The following BIRC6 variants were observed in gnomAD, a reference collection of about 807,000 sequenced individuals.
BIRC6 encodes the protein dual E2 ubiquitin-conjugating enzyme/E3 ubiquitin-protein ligase BIRC6.
Under a neutral mutation model 503.3 loss-of-function variants are expected in BIRC6, and 98 were observed. The ratio of observed to expected loss-of-function variants is 0.19; its 90% CI spans 0.17 to 0.23. BIRC6 has a LOEUF of 0.23. Among genes scored for constraint, BIRC6 ranks in the 10% least tolerant of loss-of-function variants. The pLI is 1.00. For missense variants in BIRC6, 5,360 were observed against 5,806.0 expected (o/e 0.92, Z 2.50); for synonymous variants, 2,240 against 2,078.7 (o/e 1.08, Z -2.11).
At chr2:32,463,950 A>G (rs1400568546) in intron 24 of BIRC6, among the ~76,000 whole-genome samples, 1 of 152,180 alleles carries the variant, frequency 6.6e-6, no homozygotes, top group African/African-American at 2.4e-5. Flanking sequence ...CATGAACATT[A>G]TTGTGAACTG....
At chr2:32,586,423 C>CT (rs972959083) in intron 66 of BIRC6, among the ~76,000 whole-genome samples, 1,874 of 70,992 alleles carry the variant, frequency 0.026, 270 homozygotes, top group African/African-American at 0.042. Flanking sequence ...TCAAGCAGTC[C>CT]TTTTTTTTTT....
At chr2:32,468,403 A>G (rs1171004310) in intron 28 of BIRC6, 34 bp from the exon 29 acceptor site, 4 of 1,475,990 alleles carry the variant, frequency 2.7e-6, no homozygotes, top group Admixed American at 4.3e-5. Flanking sequence ...AGGACATTAC[A>G]AGAATTATTT....
chr2:32,388,979 G>T (rs1196962262), intron 4 of BIRC6, 36 bp downstream of exon 4: 20 of 1,261,912 alleles, frequency 1.6e-5, no homozygotes, highest in Non-Finnish European at 2.1e-5. Context: ...CAGTGAGATA[G>T]AATTGATTAG....
chr2:32,527,140 C>G (rs1484517521), intron 59 of BIRC6: 1 of 152,204 alleles, frequency 6.6e-6, no homozygotes, highest in African/African-American at 2.4e-5. Flanking sequence ...AAACCTTTCA[C>G]ACTTGTTGTT....
At chr2:32,535,678 C>G (rs150483256) in intron 61 of BIRC6, among the ~76,000 whole-genome samples, 6,154 of 152,182 alleles carry the variant, frequency 0.04, 200 homozygotes, top group African/African-American at 0.092. Flanking sequence ...GTGTATATGT[C>G]CCACATTTTC....
chr2:32,416,204 G>T, intron 10 of BIRC6, 41 bp downstream of exon 10: 1 of 1,511,560 alleles, frequency 6.6e-7, no homozygotes. Context: ...TAAAATCCAT[G>T]TATATATGGC....
At chr2:32,581,802 G>A (rs556691768) in intron 66 of BIRC6, among the ~76,000 whole-genome samples, 1 of 152,156 alleles carries the variant, frequency 6.6e-6, no homozygotes, top group Admixed American at 6.5e-5. Context: ...TTATACTACA[G>A]AATATTCATA....
Position 32,357,128 on chromosome 2 carries a change from C to A in BIRC6, c.-34C>A, listed in dbSNP as rs896828033. On this transcript the variant is annotated 5_prime_UTR_variant, in exon 1 of 74. Transcript: ENST00000421745. This position sits in a 1 kb window ranked among gnomAD's most constrained non-coding sequence, Gnocchi z 4.9. ...GCGTGCGGGCGCCTGACTTCACTTC[C>A]GGCTAACGCGCTCGGCTTGCCCCCT... is the stretch of plus-strand genomic sequence containing the variant. 47 of 1,450,824 alleles carry A rather than the reference C, an allele frequency of 3.2e-5. No homozygotes were observed. The highest frequency in any genetic ancestry group is 4.0e-5 in the Non-Finnish European group (45 of 1,114,762). 89.9% of individuals were successfully genotyped at this position (1,450,824 alleles called of 1,614,324 possible). A position where few individuals can be genotyped will look rare whatever the true frequency, so the allele number is the denominator to read the frequency against.
chr2:32,596,705 C>T (rs561316318), intron 68 of BIRC6, among the ~76,000 whole-genome samples: 16 of 152,242 alleles, frequency 1.1e-4, no homozygotes, highest in South Asian at 4.1e-4. Flanking sequence ...CTTTAGATTT[C>T]GTTCCGCTTC....
chr2:32,506,706 T>G (rs1294126733), intron 50 of BIRC6, among the ~76,000 whole-genome samples: 1 of 152,192 alleles, frequency 6.6e-6, no homozygotes, highest in Non-Finnish European at 1.5e-5. Context: ...CAAAATTTGG[T>G]TTTATTATTG....
intron 21 of BIRC6, among the ~76,000 whole-genome samples, chr2:32,447,177 C>A (rs889289885): frequency 2.0e-5 from 3 of 149,998 alleles, no homozygotes; most frequent in Admixed American, 1.3e-4. Flanking sequence ...CGGCAACCAT[C>A]CGATTTCTCA....
chr2:32,611,108 C>CTTTT lies in BIRC6; in HGVS notation c.14260-332_14260-329dup, dbSNP rs1245765148. On this transcript the variant is annotated intron_variant, in intron 72 of 73. Transcript: ENST00000421745. ...AATATTGTAGAGTTGATTAAATTGCCTTTTTTTTTTTGTTTGAGATGGAGG... is the reference window on the plus strand; with the variant it reads ...AATATTGTAGAGTTGATTAAATTGCCTTTTTTTTTTTTTTTGTTTGAGATGGAGG... Among the ~76,000 whole-genome samples, 12 of 126,172 alleles carry CTTTT rather than the reference C, an allele frequency of 9.5e-5. 1 individual carries two copies. Among genetic ancestry groups the CTTTT allele is most frequent in the Admixed American group, 9.2e-4 (11 of 11,986 alleles). 82.8% of individuals were successfully genotyped at this position (126,172 alleles called of 152,430 possible).
At chr2:32,443,147 A>C (rs912299610) in intron 19 of BIRC6, among the ~76,000 whole-genome samples, 4 of 152,202 alleles carry the variant, frequency 2.6e-5, no homozygotes, top group Non-Finnish European at 5.9e-5. Flanking sequence ...TTTAGACTGC[A>C]CTTGACCATG....
chr2:32,469,713 G>A (rs1350997738), intron 30 of BIRC6, 99 bp downstream of exon 30: 27 of 1,087,762 alleles, frequency 2.5e-5, no homozygotes, highest in Middle Eastern at 4.2e-4. Context: ...ATACTAAGTT[G>A]TGAATATGAA....
intron 23 of BIRC6, among the ~76,000 whole-genome samples, chr2:32,462,053 A>AT: frequency 6.6e-6 from 1 of 152,094 alleles, no homozygotes; most frequent in East Asian, 1.9e-4. Context: ...AAAAATAAAA[A>AT]TAAAAAAAAA....
intron 23 of BIRC6, among the ~76,000 whole-genome samples, chr2:32,456,929 A>G (rs2047323260): frequency 6.6e-6 from 1 of 152,038 alleles, no homozygotes; most frequent in Admixed American, 6.6e-5. Context: ...ATTATGAATT[A>G]TCTTTTATTA....
At chr2:32,584,103 T>C (rs1189015435) in intron 66 of BIRC6, among the ~76,000 whole-genome samples, 2 of 152,194 alleles carry the variant, frequency 1.3e-5, no homozygotes, top group African/African-American at 2.4e-5. Context: ...CTGGGTGCGG[T>C]GGCTTACACC....
At chr2:32,511,483 T>A (rs2054437164) in intron 53 of BIRC6, among the ~76,000 whole-genome samples, 1 of 117,246 alleles carries the variant, frequency 8.5e-6, no homozygotes, top group South Asian at 2.5e-4. Context: ...CTAATTTTTT[T>A]TTTTTTTTTT....
chr2:32,583,997 G>A (rs1298761154), intron 66 of BIRC6, among the ~76,000 whole-genome samples: 1 of 152,164 alleles, frequency 6.6e-6, no homozygotes, highest in African/African-American at 2.4e-5. Context: ...CTCCCAAAGT[G>A]CTGGCATTAC....
Sources: allele counts gnomAD v4.1 joint callset (sites outside exome capture counted in the v4.1 genomes callset), GRCh38; gene constraint gnomAD v4.1.1; non-coding constraint Gnocchi (gnomAD v3.1); transcripts MANE v1.5; gene names NCBI Gene and HGNC (gene_info 2026-07-23, HGNC 2026-07-21).